The following RBM6 variants were observed in gnomAD, a reference collection of about 807,000 sequenced individuals.
The protein encoded by RBM6 is RNA binding motif protein 6.
RBM6 carries 23 observed loss-of-function variants against 140.4 expected under a neutral mutation model. The observed-to-expected ratio is 0.16, with a 90% CI of 0.12 to 0.23. The LOEUF (loss-of-function observed/expected upper bound fraction) is 0.23. Among genes scored for constraint, RBM6 ranks in the 10% least tolerant of loss-of-function variants. The pLI, the probability that RBM6 is intolerant of heterozygous loss-of-function variation, is 1.00. For synonymous variants in RBM6, 439 were observed against 475.6 expected, an observed-to-expected ratio of 0.92 and a Z score of 1.00; for missense variants, 1,139 against 1,386.7, an observed-to-expected ratio of 0.82 and a Z score of 2.84.
At chr3:50,007,935 G>A (rs2086662994) in intron 6 of RBM6, among the ~76,000 whole-genome samples, 1 of 152,152 alleles carries the variant, frequency 6.6e-6, no homozygotes, top group Non-Finnish European at 1.5e-5. Context: ...CTTTAAAACC[G>A]TAAGTTCTAA....
chr3:50,012,604 G>A (rs1413589252), intron 6 of RBM6, among the ~76,000 whole-genome samples: 3 of 151,904 alleles, frequency 2.0e-5, no homozygotes, highest in Admixed American at 6.6e-5. Context: ...TGATCCGCCC[G>A]TCTCAGCCTC....
intron 6 of RBM6, among the ~76,000 whole-genome samples, chr3:50,007,759 T>C (rs948363591): frequency 2.0e-5 from 3 of 152,080 alleles, no homozygotes; most frequent in Non-Finnish European, 4.4e-5. Flanking sequence ...GGTCTCGATC[T>C]CCTGACCTCG....
chr3:49,966,297 A>G (rs780853655), intron 2 of RBM6, among the ~76,000 whole-genome samples: 1 of 152,172 alleles, frequency 6.6e-6, no homozygotes, highest in Non-Finnish European at 1.5e-5. Context: ...AGTTGGTATT[A>G]ATATCTTAAT....
At chr3:50,056,583 C>A (rs112895981) in intron 8 of RBM6, among the ~76,000 whole-genome samples, 1 of 152,146 alleles carries the variant, frequency 6.6e-6, no homozygotes, top group Non-Finnish European at 1.5e-5. Context: ...CGTGAGCCAC[C>A]GCTCCCGGCC....
At chr3:49,972,192 T>A in intron 4 of RBM6, 44 bp downstream of exon 4, 1 of 1,459,922 alleles carries the variant, frequency 6.8e-7, no homozygotes, top group Non-Finnish European at 9.4e-7. Context: ...CAATTAAAAA[T>A]TAAAAAAACC....
At position 49,976,905 on chromosome 3, in the gene RBM6, T is replaced by C. The variant is rs925975650; in HGVS notation, c.1483+1513T>C. Among the ~76,000 whole-genome samples the C allele has an allele frequency of 2.6e-5, 4 of 152,294 alleles. No homozygotes were observed. In the East Asian group the frequency reaches 7.7e-4, roughly 29 times the overall value. On this transcript the variant is annotated intron_variant, in intron 5 of 20. Coordinates refer to ENST00000266022, the MANE Select transcript of RBM6 (RefSeq NM_005777.3). ...CAGTGCTTAAAAATAAAACGAAAAA[T>C]ACCTTTCAGCAAATACAATCTTTTC...
chr3:49,953,059 C>T (rs933573877), intron 1 of RBM6, among the ~76,000 whole-genome samples: 3 of 108,332 alleles, frequency 2.8e-5, no homozygotes, highest in African/African-American at 9.0e-5. Flanking sequence ...ACCTTTTCTT[C>T]TTTTCTTTTT....
chr3:50,054,180 T>A, intron 7 of RBM6, 155 bp from the exon 8 acceptor site: 1 of 645,930 alleles, frequency 1.5e-6, no homozygotes, highest in East Asian at 2.6e-5. Context: ...ATCTGCCAGC[T>A]CTAATCAGTG....
chr3:49,982,109 A>G (rs778117406), intron 5 of RBM6, among the ~76,000 whole-genome samples: 5 of 152,258 alleles, frequency 3.3e-5, no homozygotes, highest in Non-Finnish European at 5.9e-5. Context: ...TGGTGAATGG[A>G]CAGTCTCTGT....
At chr3:49,986,941 A>T (rs531524060) in intron 5 of RBM6, among the ~76,000 whole-genome samples, 28 of 152,104 alleles carry the variant, frequency 1.8e-4, no homozygotes, top group Middle Eastern at 3.4e-3. Context: ...ATGCACCACC[A>T]TGCCTAATTA....
At chr3:50,020,721 A>G (rs1472817110) in intron 6 of RBM6, among the ~76,000 whole-genome samples, 2 of 152,236 alleles carry the variant, frequency 1.3e-5, no homozygotes, top group African/African-American at 4.8e-5. Context: ...CCTAGGCTAT[A>G]TCATTTAGCC....
intron 5 of RBM6, 94 bp downstream of exon 5, chr3:49,975,486 A>G (rs148355287): frequency 1.3e-5 from 15 of 1,114,930 alleles, no homozygotes; most frequent in Non-Finnish European, 1.9e-5. Context: ...TCAAGAAACC[A>G]CAATTAAAAT....
chr3:49,944,162 C>CTCCTCCCCTGA (rs1575502477), intron 1 of RBM6, among the ~76,000 whole-genome samples: 1 of 152,150 alleles, frequency 6.6e-6, no homozygotes, highest in East Asian at 1.9e-4. Context: ...TCCCTATTCT[C>CTCCTCCCCTGA]TCCTCCCCTG....
At chr3:49,961,767 C>T (rs935194837) in intron 1 of RBM6, among the ~76,000 whole-genome samples, 4 of 150,602 alleles carry the variant, frequency 2.7e-5, no homozygotes, top group Non-Finnish European at 5.9e-5. Flanking sequence ...CCACTGGACT[C>T]CAGCCTGGGC....
At chr3:50,014,529 A>G (rs756080928) in intron 6 of RBM6, among the ~76,000 whole-genome samples, 4 of 152,212 alleles carry the variant, frequency 2.6e-5, no homozygotes, top group Non-Finnish European at 5.9e-5. Context: ...TGAAAATGCA[A>G]GTGCAGATTT....
chr3:50,012,237 C>G (rs550983257), intron 6 of RBM6, among the ~76,000 whole-genome samples: 2 of 151,910 alleles, frequency 1.3e-5, no homozygotes, highest in Non-Finnish European at 2.9e-5. Context: ...TTTTTAGAGA[C>G]GAGGTCTCAA....
At chr3:49,944,162 C>G (rs2083395249) in intron 1 of RBM6, among the ~76,000 whole-genome samples, 1 of 152,150 alleles carries the variant, frequency 6.6e-6, no homozygotes, top group Admixed American at 6.6e-5. Context: ...TCCCTATTCT[C>G]TCCTCCCCTG....
At chr3:50,065,693 T>A in intron 16 of RBM6, 2 of 454,202 alleles carry the variant, frequency 4.4e-6, no homozygotes, top group Admixed American at 4.7e-5. Flanking sequence ...GACCAATGAT[T>A]ATGCATCATT....
intron 19 of RBM6, among the ~76,000 whole-genome samples, chr3:50,071,306 G>A (rs1259619885): frequency 6.6e-6 from 1 of 152,190 alleles, no homozygotes; most frequent in Non-Finnish European, 1.5e-5. Context: ...GCCAGTTCAT[G>A]AAGTTTAAAC....
Sources: allele counts gnomAD v4.1 joint callset (sites outside exome capture counted in the v4.1 genomes callset), GRCh38; gene constraint gnomAD v4.1.1; transcripts MANE v1.5; gene names NCBI Gene and HGNC (gene_info 2026-07-23, HGNC 2026-07-21).